The following BICDL1 variants were observed in gnomAD, a reference collection of about 807,000 sequenced individuals.
BICDL1 encodes BICD family like cargo adaptor 1, also known as BICD family-like cargo adapter 1.
A neutral mutation model predicts 76.8 loss-of-function variants in BICDL1; 20 were observed. The ratio of observed to expected loss-of-function variants is 0.26; its 90% CI spans 0.18 to 0.38. The LOEUF is 0.38. Ranked by LOEUF, BICDL1 falls within the 10% of genes least tolerant of loss-of-function variation. The probability of loss-of-function intolerance (pLI) is 1.00; values close to 1 mark genes in which losing one functional copy is unlikely to be tolerated. For synonymous variants in BICDL1, 383 were observed against 337.1 expected (o/e 1.14, Z -1.49); for missense variants, 700 against 798.6 (o/e 0.88, Z 1.49).
chr12:119,999,856 C>G (rs1360427870), intron 2 of BICDL1: 3 of 422,576 alleles, frequency 7.1e-6, no homozygotes, highest in Non-Finnish European at 4.6e-6. Flanking sequence ...AAAAGAACTT[C>G]TCTGATATCA....
intron 3 of BICDL1, among the ~76,000 whole-genome samples, chr12:120,062,642 A>G (rs1468922405): frequency 6.6e-6 from 1 of 152,174 alleles, no homozygotes; most frequent in African/African-American, 2.4e-5. Flanking sequence ...CCTGCTCGGT[A>G]AATGACCTGA....
intron 4 of BICDL1, among the ~76,000 whole-genome samples, chr12:120,065,829 T>C (rs867541147): frequency 5.3e-5 from 8 of 152,328 alleles, no homozygotes; most frequent in Middle Eastern, 6.8e-3. Flanking sequence ...GGAAATATAA[T>C]GTCTTGGACT....
chr12:120,088,871 A>C (rs1222763273), intron 8 of BICDL1, among the ~76,000 whole-genome samples: 1 of 150,742 alleles, frequency 6.6e-6, no homozygotes, highest in Non-Finnish European at 1.5e-5. Context: ...TTTCACTGTT[A>C]GCCAGGATGG....
intron 7 of BICDL1, among the ~76,000 whole-genome samples, chr12:120,077,837 C>T (rs1042203917): frequency 9.2e-5 from 13 of 141,478 alleles, no homozygotes; most frequent in Non-Finnish European, 1.2e-4. Context: ...CTTCCTGAAG[C>T]GTGACTTGAA....
intron 7 of BICDL1, among the ~76,000 whole-genome samples, chr12:120,076,114 G>C (rs574113360): frequency 6.6e-6 from 1 of 152,200 alleles, no homozygotes; most frequent in Non-Finnish European, 1.5e-5. Flanking sequence ...AGTTGAGATC[G>C]TGCCACTACA....
intron 2 of BICDL1, among the ~76,000 whole-genome samples, chr12:120,029,724 G>A (rs1399604085): frequency 2.0e-5 from 3 of 151,690 alleles, no homozygotes; most frequent in South Asian, 4.2e-4. Context: ...GCAGTGTCGC[G>A]ATCTCACTGC....
intron 4 of BICDL1, among the ~76,000 whole-genome samples, chr12:120,068,991 C>A (rs865886023): frequency 5.3e-5 from 8 of 152,120 alleles, no homozygotes; most frequent in Admixed American, 3.3e-4. Context: ...CAATTCCTGA[C>A]CCCTGCGCTG....
intron 8 of BICDL1, among the ~76,000 whole-genome samples, 187 bp from the exon 9 acceptor site, chr12:120,089,764 A>G (rs1874803196): frequency 1.3e-5 from 2 of 152,248 alleles, no homozygotes; most frequent in Admixed American, 6.5e-5. Context: ...CTGGGAGAAT[A>G]TATGTGAAAA....
chr12:120,015,598 C>G (rs1376648338), intron 2 of BICDL1, among the ~76,000 whole-genome samples: 1 of 152,200 alleles, frequency 6.6e-6, no homozygotes, highest in African/African-American at 2.4e-5. Flanking sequence ...ACTGTGCACT[C>G]AGGGCACCTC....
chr12:120,086,348 T>G (rs1040652965), intron 8 of BICDL1, among the ~76,000 whole-genome samples: 2 of 152,238 alleles, frequency 1.3e-5, no homozygotes, highest in African/African-American at 4.8e-5. Context: ...ACCCCCCATT[T>G]GTATAGTAAC....
chr12:120,012,147 A>G (rs558849746), intron 2 of BICDL1, among the ~76,000 whole-genome samples: 1 of 152,216 alleles, frequency 6.6e-6, no homozygotes, highest in African/African-American at 2.4e-5. Flanking sequence ...CTCTCACCCA[A>G]ATTTACTCCT....
chr12:120,007,439 A>C (rs1566210429), intron 2 of BICDL1, among the ~76,000 whole-genome samples: 2 of 152,166 alleles, frequency 1.3e-5, no homozygotes, highest in Admixed American at 6.5e-5. Flanking sequence ...CTGAATTCAG[A>C]CAAGAGTGTC....
chr12:120,090,120 C>T (rs756568434), intron 9 of BICDL1, 49 bp downstream of exon 9: 2 of 1,603,416 alleles, frequency 1.2e-6, no homozygotes, highest in Non-Finnish European at 8.5e-7. Context: ...CAGGAGGAAT[C>T]TCTGAACCCA....
At chr12:119,991,274 T>C (rs1366039632) in intron 1 of BICDL1, among the ~76,000 whole-genome samples, 1 of 152,214 alleles carries the variant, frequency 6.6e-6, no homozygotes, top group Non-Finnish European at 1.5e-5. Flanking sequence ...AGCAAGACAA[T>C]AGTACAGACC....
chr12:120,049,846 A>T (rs1952819695), intron 2 of BICDL1, among the ~76,000 whole-genome samples: 1 of 152,188 alleles, frequency 6.6e-6, no homozygotes, highest in Admixed American at 6.5e-5. Context: ...ATGTGTTCTT[A>T]AACTCTGTCC....
chr12:120,015,475 C>T (rs1237897995), intron 2 of BICDL1, among the ~76,000 whole-genome samples: 1 of 152,178 alleles, frequency 6.6e-6, no homozygotes. Flanking sequence ...CTTCTCCCAC[C>T]AGCTTTGATC....
chr12:120,048,709 C>T (rs1040772014), intron 2 of BICDL1, among the ~76,000 whole-genome samples: 1 of 152,152 alleles, frequency 6.6e-6, no homozygotes, highest in African/African-American at 2.4e-5. Flanking sequence ...TTGGCAAGGT[C>T]CAGCTCTGAC....
intron 1 of BICDL1, among the ~76,000 whole-genome samples, chr12:119,996,112 CTG>C (rs1463121005): frequency 2.0e-5 from 3 of 152,104 alleles, no homozygotes; most frequent in Admixed American, 2.0e-4. Flanking sequence ...CCCAAACAGA[CTG>C]TATAAAATAT....
intron 2 of BICDL1, among the ~76,000 whole-genome samples, chr12:120,056,334 A>G (rs1952970450): frequency 6.6e-6 from 1 of 152,190 alleles, no homozygotes; most frequent in African/African-American, 2.4e-5. Context: ...TTTTGCCACA[A>G]GTAATTACTG....
Sources: gnomAD v4.1 joint callset for allele counts (sites outside exome capture counted in the v4.1 genomes callset) on GRCh38, gnomAD v4.1.1 for gene constraint, MANE v1.5 for transcripts, NCBI Gene and HGNC (gene_info 2026-07-23, HGNC 2026-07-21) for gene names.